Variants in ADCY2 observed in about 807,000 individuals in gnomAD.
ADCY2 encodes the protein adenylate cyclase type 2.
Under a neutral mutation model 125.2 loss-of-function variants are expected in ADCY2, and 31 were observed. That is an observed-to-expected ratio of 0.25 (90% CI 0.19 to 0.33). The LOEUF (loss-of-function observed/expected upper bound fraction) is 0.33, where lower values mean the gene tolerates loss of function less well. ADCY2 is among the 10% of genes least tolerant of loss of function. ADCY2 has a pLI of 1.00. For synonymous variants in ADCY2, 512 were observed against 548.4 expected (o/e 0.93, Z 0.93); for missense variants, 904 against 1,418.2 (o/e 0.64, Z 5.82).
At chr5:7,635,809 A>G (rs1738480581) in intron 4 of ADCY2, among the ~76,000 whole-genome samples, 1 of 152,222 alleles carries the variant, frequency 6.6e-6, no homozygotes, top group South Asian at 2.1e-4. Context: ...GAGAAAAATC[A>G]ACCAGTTATA....
chr5:7,453,121 AT>A (rs1290316304), intron 2 of ADCY2, among the ~76,000 whole-genome samples: 1 of 151,666 alleles, frequency 6.6e-6, no homozygotes, highest in Non-Finnish European at 1.5e-5. Context: ...CCATTTATTT[AT>A]TTTTGTTTTT....
intron 7 of ADCY2, among the ~76,000 whole-genome samples, chr5:7,704,016 T>C (rs1579335324): frequency 6.6e-6 from 1 of 151,198 alleles, no homozygotes; most frequent in African/African-American, 2.4e-5. Flanking sequence ...AAAAAAAAGT[T>C]TATTTTGTTA....
rs147485383 is a variant in ADCY2, at chr5:7,601,302, A to G, written c.571-24865A>G. On this transcript the variant is annotated intron_variant, in intron 3 of 24. Transcript: ENST00000338316. ...ATTAATAGCTCAATTTTAAACAAAT[A>G]TCGTGATGAATTAAAAAGAAAAAAA... 3.0e-3 allele frequency among the ~76,000 whole-genome samples: 460 copies of G among 151,832 alleles called. 1 individual carries two copies. Among genetic ancestry groups the G allele is most frequent in the Admixed American group, 5.7e-3 (87 of 15,294 alleles).
At chr5:7,791,983 C>A (rs981521574) in intron 20 of ADCY2, among the ~76,000 whole-genome samples, 1 of 152,000 alleles carries the variant, frequency 6.6e-6, no homozygotes, top group Non-Finnish European at 1.5e-5. Context: ...ACATTTCAGG[C>A]TCCAAGGGGC....
At chr5:7,587,271 C>T (rs1736660832) in intron 3 of ADCY2, among the ~76,000 whole-genome samples, 1 of 152,166 alleles carries the variant, frequency 6.6e-6, no homozygotes, top group African/African-American at 2.4e-5. Context: ...GAGGTGGCGT[C>T]CCTCCTCCCA....
chr5:7,503,182 A>C (rs570064062), intron 2 of ADCY2, among the ~76,000 whole-genome samples: 2 of 152,340 alleles, frequency 1.3e-5, no homozygotes, highest in Admixed American at 6.5e-5. Context: ...ACTGGACTTC[A>C]TCTTTACCCA....
At chr5:7,503,927 C>T (rs747448170) in intron 2 of ADCY2, among the ~76,000 whole-genome samples, 3 of 152,130 alleles carry the variant, frequency 2.0e-5, no homozygotes, top group Non-Finnish European at 2.9e-5. Context: ...CAGGCTTTTT[C>T]GAGAGCAGCA....
Position 7,396,379 on chromosome 5 carries a change from G to A in ADCY2, c.83G>A (p.Arg28Gln). Residue 28 changes from arginine to glutamine, a missense_variant, in exon 1 of 25, where the codon CGG (arginine) becomes CAG (glutamine). Transcript: ENST00000338316. This position sits in a 1 kb window ranked among gnomAD's most constrained non-coding sequence, Gnocchi z 5.7. ...GCGGGCGGCGGAGACGGGCTGCCGC[G>A]GTCCCGGGACTGGCTCTACGAGTCC... ...EAAGGGDGLP[R>Q]SRDWLYESYY... The A allele has an allele frequency of 3.8e-6, 6 of 1,558,802 alleles. No homozygotes were observed. The highest frequency in any genetic ancestry group is 5.2e-6 in the Non-Finnish European group (6 of 1,153,772).
chr5:7,495,995 A>T (rs1372377329), intron 2 of ADCY2, among the ~76,000 whole-genome samples: 2 of 152,222 alleles, frequency 1.3e-5, no homozygotes, highest in Non-Finnish European at 1.5e-5. Context: ...CTCCTAGGCA[A>T]GCACTGAAGG....
chr5:7,570,197 C>T (rs911240845), intron 3 of ADCY2, among the ~76,000 whole-genome samples: 1 of 151,974 alleles, frequency 6.6e-6, no homozygotes, highest in Non-Finnish European at 1.5e-5. Flanking sequence ...TTCTGACAGT[C>T]ACATATTTCT....
chr5:7,735,991 A>T (rs1220581823), intron 14 of ADCY2, among the ~76,000 whole-genome samples: 1 of 152,186 alleles, frequency 6.6e-6, no homozygotes, highest in Non-Finnish European at 1.5e-5. Context: ...TGAGCTCAAG[A>T]GTTTGAGATC....
chr5:7,631,088 G>T (rs1218551094), intron 4 of ADCY2, among the ~76,000 whole-genome samples: 1 of 152,134 alleles, frequency 6.6e-6, no homozygotes, highest in Non-Finnish European at 1.5e-5. Context: ...ACTGAGCCCG[G>T]CCTGTCTCTG....
intron 16 of ADCY2, among the ~76,000 whole-genome samples, chr5:7,758,348 G>A (rs546864013): frequency 2.0e-5 from 3 of 152,174 alleles, no homozygotes; most frequent in South Asian, 4.1e-4. Context: ...TTTGAGACAC[G>A]TCCTTATTGT....
chr5:7,625,167 CA>C (rs1226983175), intron 3 of ADCY2, among the ~76,000 whole-genome samples: 1 of 152,140 alleles, frequency 6.6e-6, no homozygotes, highest in Non-Finnish European at 1.5e-5. Flanking sequence ...TAGCATAATG[CA>C]ATGCACAGAA....
intron 17 of ADCY2, among the ~76,000 whole-genome samples, chr5:7,767,241 T>C (rs543534694): frequency 3.9e-4 from 59 of 152,278 alleles, no homozygotes; most frequent in African/African-American, 1.4e-3. Flanking sequence ...CAACATACGT[T>C]GCTGAGTGAT....
intron 2 of ADCY2, among the ~76,000 whole-genome samples, chr5:7,496,059 A>G (rs1296380212): frequency 6.6e-6 from 1 of 152,206 alleles, no homozygotes; most frequent in East Asian, 1.9e-4. Flanking sequence ...CCTGTTTAAA[A>G]TGTAAGAACC....
intron 22 of ADCY2, among the ~76,000 whole-genome samples, chr5:7,816,585 A>G (rs1247228096): frequency 1.3e-5 from 2 of 152,200 alleles, no homozygotes; most frequent in Admixed American, 6.5e-5. Flanking sequence ...CTGGACTAAT[A>G]CGATACAGGT....
rs4479814 is a variant in ADCY2 at position 7,757,602 on chromosome 5, C to T, written c.2094+16C>T. On this transcript the variant is annotated intron_variant, in intron 16 of 24. Coordinates refer to ENST00000338316, the MANE Select transcript of ADCY2 (RefSeq NM_020546.3). ...GTTCAACATGGTAAGTCCCAGAGCA[C>T]GGCCGTGTTCAACATGGTAAGCCCC... 652,233 of 1,518,706 alleles carry T rather than the reference C, an allele frequency of 0.43. 147,439 individuals carry two copies. Among genetic ancestry groups the T allele is most frequent in the African/African-American group, 0.65 (45,072 of 68,968 alleles). 94.1% of individuals were successfully genotyped at this position (1,518,706 alleles called of 1,614,324 possible).
At chr5:7,407,037 G>A (rs1739512673) in intron 1 of ADCY2, among the ~76,000 whole-genome samples, 1 of 152,116 alleles carries the variant, frequency 6.6e-6, no homozygotes, top group Non-Finnish European at 1.5e-5. Context: ...TAACTTCAAG[G>A]CACCTTTATC....
Sources: gnomAD v4.1 joint callset for allele counts (sites outside exome capture counted in the v4.1 genomes callset) on GRCh38, gnomAD v4.1.1 for gene constraint, Gnocchi (gnomAD v3.1) non-coding constraint, MANE v1.5 for transcripts, NCBI Gene and HGNC (gene_info 2026-07-23, HGNC 2026-07-21) for gene names.